Variants in ASB4 observed in about 807,000 individuals in gnomAD.
ASB4 encodes the protein ankyrin repeat and SOCS box protein 4.
A neutral mutation model predicts 38.6 loss-of-function variants in ASB4; 35 were observed. The ratio of observed to expected loss-of-function variants is 0.91; its 90% CI spans 0.69 to 1.20. The LOEUF (loss-of-function observed/expected upper bound fraction) is 1.20. Among genes scored for constraint, ASB4 ranks in the 50% most tolerant of loss-of-function variants. The pLI, the probability that ASB4 is intolerant of heterozygous loss-of-function variation, is 0.00. For missense variants in ASB4, 557 were observed against 527.2 expected (o/e 1.06, Z -0.55); for synonymous variants, 195 against 201.3 (o/e 0.97, Z 0.26).
chr7:95,547,931 C>T, the ASB4 span, among the ~76,000 whole-genome samples: 63 of 152,290 alleles, frequency 4.1e-4, no homozygotes, highest in Non-Finnish European at 6.8e-4. Context: ...ATCATCTGAG[C>T]CAATCTCTTA....
Position 95,528,220 on chromosome 7 carries a change from C to A in ASB4, c.895C>A (p.Arg299Ser), listed in dbSNP as rs770804094. 1 of 1,614,164 alleles carries A rather than the reference C, an allele frequency of 6.2e-7. No homozygotes were observed. Among genetic ancestry groups the A allele is most frequent in the South Asian group, 1.1e-5 (1 of 91,086 alleles). Residue 299 changes from arginine to serine, a missense_variant, in exon 3 of 5, where the codon CGC (arginine) becomes AGC (serine). Transcript: ENST00000325885. ...GTACGTGCTGAAGGTCACCTCCGTG[C>A]GCCCTGCTGCCCAGCCTGAGATCTG... ...IQYVLKVTSV[R>S]PAAQPEICYQ...
chr7:95,500,032 G>A (rs142852084), intron 2 of ASB4, among the ~76,000 whole-genome samples: 91 of 151,796 alleles, frequency 6.0e-4, no homozygotes, highest in Admixed American at 8.5e-4. Flanking sequence ...TTTAAGAAGC[G>A]GGACAAAGTA....
chr7:95,546,097 T>C, the ASB4 span, among the ~76,000 whole-genome samples: 24 of 152,376 alleles, frequency 1.6e-4, no homozygotes, highest in South Asian at 4.6e-3. Context: ...CCCACCTTTG[T>C]AACTAGGAGC....
rs575228635 is a variant in ASB4 at position 95,534,969 on chromosome 7, A to T, written c.979-1468A>T. On this transcript the variant is annotated intron_variant, in intron 3 of 4. Transcript: ENST00000325885. ...TCCAGATGTGCTGCCAGCTGGCTTCATCTTACCAGCTCTGACCTTTAGCCC... is the reference window on the plus strand; with the variant it reads ...TCCAGATGTGCTGCCAGCTGGCTTCTTCTTACCAGCTCTGACCTTTAGCCC... 2.6e-5 allele frequency among the ~76,000 whole-genome samples: 4 copies of T among 152,134 alleles called. No homozygotes were observed. In the South Asian group the frequency reaches 8.3e-4, roughly 32 times the overall value.
At chr7:95,513,963 C>A (rs1790520572) in intron 2 of ASB4, among the ~76,000 whole-genome samples, 1 of 152,288 alleles carries the variant, frequency 6.6e-6, no homozygotes, top group South Asian at 2.1e-4. Context: ...ATTACCAGTC[C>A]AAAATCACCC....
At chr7:95,511,433 G>A (rs965420099) in intron 2 of ASB4, among the ~76,000 whole-genome samples, 3 of 152,156 alleles carry the variant, frequency 2.0e-5, no homozygotes, top group Non-Finnish European at 2.9e-5. Flanking sequence ...GTAAGAGTAG[G>A]AAGTACGTGC....
Position 95,524,562 on chromosome 7 carries a change from T to C in ASB4, c.488-3251T>C, listed in dbSNP as rs113888681. Reference sequence around the variant, plus strand: ...CGTATGTTATGTGTTATGGGTCGAATTGTGCGCCACCCCCCAAAACACACA... The same window carrying C: ...CGTATGTTATGTGTTATGGGTCGAACTGTGCGCCACCCCCCAAAACACACA... On this transcript the variant is annotated intron_variant, in intron 2 of 4. Transcript: ENST00000325885. Among the ~76,000 whole-genome samples, 661 of 152,230 alleles carry C rather than the reference T, an allele frequency of 4.3e-3. 2 individuals carry two copies. The highest frequency in any genetic ancestry group is 0.015 in the African/African-American group (603 of 41,538).
At chr7:95,508,720 G>C (rs1790442544) in intron 2 of ASB4, among the ~76,000 whole-genome samples, 1 of 152,134 alleles carries the variant, frequency 6.6e-6, no homozygotes, top group South Asian at 2.1e-4. Flanking sequence ...GCTATGAAGA[G>C]ATGAAGGGAA....
chr7:95,530,274 G>C (rs1790802081), intron 3 of ASB4, among the ~76,000 whole-genome samples: 1 of 151,944 alleles, frequency 6.6e-6, no homozygotes, highest in African/African-American at 2.4e-5. Context: ...CAGACAGCCT[G>C]GGCAACACGG....
At chr7:95,471,927 A>G in the ASB4 span, 1 of 150,614 alleles carries the variant, frequency 6.6e-6, no homozygotes, top group Non-Finnish European at 1.5e-5. Flanking sequence ...AACTTGCCCA[A>G]GGGTGCACAA....
chr7:95,515,305 CT>C (rs758930769), intron 2 of ASB4, among the ~76,000 whole-genome samples: 1,529 of 122,578 alleles, frequency 0.012, 41 homozygotes, highest in Middle Eastern at 0.019. Context: ...TTCTTTCTTT[CT>C]TTCTTTCTTT....
At chr7:95,542,896 TG>T (rs1275908972), downstream of ASB4, 1 of 152,212 alleles carries the variant, frequency 6.6e-6, no homozygotes, top group Non-Finnish European at 1.5e-5. Context: ...ATAGCCACCT[TG>T]TATTTCTTAA....
chr7:95,524,663 A>G (rs937056882), intron 2 of ASB4, among the ~76,000 whole-genome samples: 4 of 152,210 alleles, frequency 2.6e-5, no homozygotes, highest in African/African-American at 9.6e-5. Flanking sequence ...GTTGCTGCAG[A>G]TGTAATTACT....
intron 1 of ASB4, among the ~76,000 whole-genome samples, chr7:95,490,611 T>A (rs1450406829): frequency 6.6e-6 from 1 of 152,196 alleles, no homozygotes; most frequent in African/African-American, 2.4e-5. Context: ...CAGATAACAT[T>A]ATAGTTGATA....
chr7:95,535,698 T>C (rs1790881203), intron 3 of ASB4, among the ~76,000 whole-genome samples: 1 of 152,092 alleles, frequency 6.6e-6, no homozygotes, highest in African/African-American at 2.4e-5. Context: ...GTATTTTTGG[T>C]TGGTTAATAA....
intron 3 of ASB4, among the ~76,000 whole-genome samples, chr7:95,534,356 T>C (rs1461134748): frequency 2.0e-5 from 3 of 151,644 alleles, no homozygotes; most frequent in Non-Finnish European, 4.4e-5. Context: ...AAAAAAAAGA[T>C]GAACTATCCT....
At position 95,527,959 on chromosome 7, in the gene ASB4, CT is replaced by C. The variant is rs780505034; in HGVS notation, c.635del (p.Leu212ArgfsTer59). On this transcript the variant is annotated frameshift_variant, in exon 3 of 5. Transcript: ENST00000325885. LOFTEE classifies it high-confidence loss of function. ...CGTGAATGCCCACATGGAGACCCCC[CT>C]GGCCATCGCCGCCTACTGGGCCCTC... ...DSVNAHMETP[L>X]AIAAYWALRF... The C allele has an allele frequency of 2.5e-6, 4 of 1,614,158 alleles. No individual in the cohort carries two copies. In the Admixed American group the frequency reaches 5.0e-5, roughly 20 times the overall value.
chr7:95,498,256 G>C (rs1349442981), intron 2 of ASB4, among the ~76,000 whole-genome samples: 1 of 152,082 alleles, frequency 6.6e-6, no homozygotes, highest in Admixed American at 6.5e-5. Flanking sequence ...GAACTGCTTG[G>C]GTCTAGGAGT....
chr7:95,478,181 G>A (rs571383470), upstream of ASB4, among the ~76,000 whole-genome samples: 2 of 152,250 alleles, frequency 1.3e-5, no homozygotes, highest in Admixed American at 1.3e-4. Context: ...AAAAGAGGAT[G>A]CAAATGCTGC....
Sources: allele counts gnomAD v4.1 joint callset (sites outside exome capture counted in the v4.1 genomes callset), GRCh38; gene constraint gnomAD v4.1.1; transcripts MANE v1.5; gene names NCBI Gene and HGNC (gene_info 2026-07-23, HGNC 2026-07-21).